MEF2A: variants seen among roughly 807,000 people sequenced by gnomAD.
MEF2A encodes the protein myocyte-specific enhancer factor 2A.
A neutral mutation model predicts 55.8 loss-of-function variants in MEF2A; 28 were observed. That is an observed-to-expected ratio of 0.50 (90% CI 0.37 to 0.69). MEF2A has a LOEUF of 0.69. MEF2A is among the 30% of genes least tolerant of loss of function. MEF2A has a pLI of 0.00. For missense variants in MEF2A, 528 were observed against 626.2 expected, an observed-to-expected ratio of 0.84 and a Z score of 1.67; for synonymous variants, 239 against 227.1, an observed-to-expected ratio of 1.05 and a Z score of -0.47.
intron 4 of MEF2A, among the ~76,000 whole-genome samples, chr15:99,663,584 T>C (rs1326076744): frequency 6.6e-6 from 1 of 152,002 alleles, no homozygotes; most frequent in Admixed American, 6.5e-5. Context: ...ATTTTTTATA[T>C]ATGTATAACA....
At chr15:99,612,555 AC>A (rs1274504620) in intron 2 of MEF2A, among the ~76,000 whole-genome samples, 6 of 152,190 alleles carry the variant, frequency 3.9e-5, no homozygotes, top group African/African-American at 1.4e-4. Flanking sequence ...ACACAGTGAG[AC>A]CCCATTTCTT....
At chr15:99,707,864 G>A (rs554696482) in intron 10 of MEF2A, among the ~76,000 whole-genome samples, 2 of 152,066 alleles carry the variant, frequency 1.3e-5, no homozygotes, top group African/African-American at 4.8e-5. Context: ...GGGACAGAGC[G>A]TTGATAACAT....
chr15:99,570,518 T>C (rs1256233162), intron 1 of MEF2A, among the ~76,000 whole-genome samples: 2 of 152,330 alleles, frequency 1.3e-5, no homozygotes, highest in African/African-American at 4.8e-5. Flanking sequence ...TTATACTGCA[T>C]GAGCTGGACA....
chr15:99,675,598 G>T, intron 7 of MEF2A, 140 bp downstream of exon 7: 2 of 684,698 alleles, frequency 2.9e-6, no homozygotes, highest in South Asian at 2.0e-5. Flanking sequence ...ATTTCTTAAG[G>T]GGAGACTTTC....
At chr15:99,603,278 A>G (rs887404427) in intron 2 of MEF2A, among the ~76,000 whole-genome samples, 12 of 151,910 alleles carry the variant, frequency 7.9e-5, no homozygotes, top group South Asian at 4.2e-4. Flanking sequence ...ATTTAATTCT[A>G]CTGTTGTCCA....
chr15:99,584,578 A>C (rs769506525), intron 1 of MEF2A, among the ~76,000 whole-genome samples: 2 of 152,240 alleles, frequency 1.3e-5, no homozygotes, highest in Non-Finnish European at 2.9e-5. Context: ...AGCCAGCCAC[A>C]AAAGACCACA....
At chr15:99,682,331 C>G (rs2053396466) in intron 7 of MEF2A, among the ~76,000 whole-genome samples, 2 of 152,142 alleles carry the variant, frequency 1.3e-5, no homozygotes, top group Admixed American at 6.5e-5. Flanking sequence ...AGCATTTTTT[C>G]ACATTTGTGT....
Position 99,703,377 on chromosome 15 carries a change from T to C in MEF2A, c.874T>C (p.Leu292=), listed in dbSNP as rs148427051. The stretch of plus-strand genomic sequence containing the variant: ...CTGAGTACAGTCGGAGGAAGAGGAA[T>C]TGGAGTTGGTGAGTGTGGGTTTCTG... ...MMPPLSEEEE[L]ELNTQRISSS... is the part of the protein sequence containing the mutation. Residue 292 remains leucine, a synonymous_variant, in exon 9 of 12, where the codon TTG becomes CTG. Coordinates refer to ENST00000557942, the MANE Select transcript of MEF2A (RefSeq NM_001319206.4). 182 of 1,610,772 alleles carry C rather than the reference T, an allele frequency of 1.1e-4. No individual in the cohort carries two copies. In the African/African-American group the frequency reaches 2.3e-3, roughly 20 times the overall value.
At chr15:99,612,040 AT>A (rs1162098497) in intron 2 of MEF2A, among the ~76,000 whole-genome samples, 2 of 152,166 alleles carry the variant, frequency 1.3e-5, no homozygotes, top group Non-Finnish European at 2.9e-5. Flanking sequence ...GCTAATGAGT[AT>A]CAAATTTCTT....
intron 2 of MEF2A, among the ~76,000 whole-genome samples, chr15:99,609,072 A>C (rs1191158087): frequency 6.6e-6 from 1 of 152,202 alleles, no homozygotes; most frequent in East Asian, 1.9e-4. Flanking sequence ...TTTTAAGTAA[A>C]TAGTGGCTTC....
At chr15:99,579,194 A>G (rs149490994) in intron 1 of MEF2A, among the ~76,000 whole-genome samples, 120 of 151,826 alleles carry the variant, frequency 7.9e-4, no homozygotes, top group African/African-American at 2.8e-3. Flanking sequence ...TATTTTGTCC[A>G]TTTAGTTTTT....
intron 2 of MEF2A, among the ~76,000 whole-genome samples, chr15:99,629,112 C>T (rs1369102569): frequency 6.6e-6 from 1 of 152,038 alleles, no homozygotes; most frequent in Non-Finnish European, 1.5e-5. Flanking sequence ...TGAAGTTAAT[C>T]TTTTTAAATT....
At chr15:99,587,960 A>G (rs1967918828) in intron 1 of MEF2A, among the ~76,000 whole-genome samples, 2 of 152,284 alleles carry the variant, frequency 1.3e-5, no homozygotes, top group South Asian at 4.1e-4. Flanking sequence ...TCAGTAAAAT[A>G]GCAATTAAAA....
At chr15:99,696,889 T>C (rs780361618) in intron 8 of MEF2A, among the ~76,000 whole-genome samples, 2 of 152,120 alleles carry the variant, frequency 1.3e-5, no homozygotes, top group Non-Finnish European at 1.5e-5. Flanking sequence ...TCATGAACTC[T>C]AGACACAAAA....
chr15:99,654,346 G>A (rs2047332921), intron 4 of MEF2A, among the ~76,000 whole-genome samples: 1 of 151,830 alleles, frequency 6.6e-6, no homozygotes, highest in East Asian at 1.9e-4. Flanking sequence ...GGGTTACTAA[G>A]CTCAATGTTT....
chr15:99,626,244 T>C (rs566184391), intron 2 of MEF2A, among the ~76,000 whole-genome samples: 11 of 152,268 alleles, frequency 7.2e-5, no homozygotes, highest in African/African-American at 2.4e-4. Flanking sequence ...ATCCCAGTTG[T>C]TGGTATATAG....
intron 8 of MEF2A, among the ~76,000 whole-genome samples, chr15:99,702,265 C>G (rs1366502618): frequency 6.6e-6 from 1 of 152,170 alleles, no homozygotes; most frequent in Admixed American, 6.5e-5. Context: ...GAGAAACCTT[C>G]TTCCAGATTA....
At chr15:99,673,551 A>G (rs1446315205) in intron 5 of MEF2A, among the ~76,000 whole-genome samples, 1 of 152,032 alleles carries the variant, frequency 6.6e-6, no homozygotes, top group Non-Finnish European at 1.5e-5. Context: ...AAGTTGTTTT[A>G]TTTTCTCCCA....
intron 10 of MEF2A, among the ~76,000 whole-genome samples, chr15:99,709,991 A>T (rs1045490647): frequency 2.0e-5 from 3 of 152,214 alleles, no homozygotes; most frequent in Non-Finnish European, 4.4e-5. Context: ...CCCTTGCTTC[A>T]TTAAGACTTG....
Sources: gnomAD v4.1 joint callset for allele counts (sites outside exome capture counted in the v4.1 genomes callset) on GRCh38, gnomAD v4.1.1 for gene constraint, MANE v1.5 for transcripts, NCBI Gene and HGNC (gene_info 2026-07-23, HGNC 2026-07-21) for gene names.